Variants in RBFOX1 observed in about 807,000 individuals in gnomAD.
RBFOX1 encodes RNA binding fox-1 homolog 1, also known as RNA binding protein fox-1 homolog 1.
Under a neutral mutation model 57.7 loss-of-function variants are expected in RBFOX1, and 8 were observed. The ratio of observed to expected loss-of-function variants is 0.14; its 90% CI spans 0.08 to 0.25. The LOEUF (loss-of-function observed/expected upper bound fraction) is 0.25, where lower values mean the gene tolerates loss of function less well. Among genes scored for constraint, RBFOX1 ranks in the 10% least tolerant of loss-of-function variants. The probability of loss-of-function intolerance (pLI) is 1.00; values close to 1 mark genes in which losing one functional copy is unlikely to be tolerated. For synonymous variants in RBFOX1, 326 were observed against 222.4 expected, an observed-to-expected ratio of 1.47 and a Z score of -4.15; for missense variants, 611 against 548.5, an observed-to-expected ratio of 1.11 and a Z score of -1.14.
rs959091354 is a variant in RBFOX1 at position 6,219,839 on chromosome 16, G to A, written c.-126-97156G>A. On this transcript the variant is annotated intron_variant, in intron 1 of 15. Coordinates refer to ENST00000550418, the MANE Select transcript of RBFOX1 (RefSeq NM_018723.4). ...TGCAGTGAGCCGAGATTATGCTATC[G>A]TGCTCCAGATTGGGCAACAAGAGCA... Among the ~76,000 whole-genome samples, 5 of 152,198 alleles carry A rather than the reference G, an allele frequency of 3.3e-5. No homozygotes were observed. In the East Asian group the frequency reaches 7.7e-4, roughly 24 times the overall value.
chr16:6,691,849 C>G (rs1166557729), intron 3 of RBFOX1, among the ~76,000 whole-genome samples: 1 of 152,150 alleles, frequency 6.6e-6, no homozygotes, highest in East Asian at 1.9e-4. Context: ...CTTTTCCTTG[C>G]TCTGGTCAGA....
At chr16:7,439,804 G>T (rs1447400879) in intron 4 of RBFOX1, among the ~76,000 whole-genome samples, 2 of 152,114 alleles carry the variant, frequency 1.3e-5, no homozygotes, top group Non-Finnish European at 2.9e-5. Flanking sequence ...TGTCAAATTG[G>T]GATGGGGTTT....
intron 4 of RBFOX1, among the ~76,000 whole-genome samples, chr16:7,177,535 A>G (rs552423699): frequency 5.9e-5 from 9 of 152,218 alleles, no homozygotes; most frequent in African/African-American, 2.2e-4. Flanking sequence ...GATGCTTTAT[A>G]TGGTTTTCTA....
At chr16:5,952,749 C>T (rs2059546806) in intron 4 of RBFOX1, among the ~76,000 whole-genome samples, 1 of 152,132 alleles carries the variant, frequency 6.6e-6, no homozygotes, top group African/African-American at 2.4e-5. Context: ...TTCCCTGTTA[C>T]AGAAATGATT....
chr16:6,776,442 CAAACAAAA>C lies in RBFOX1; in HGVS notation c.-16+121798_-16+121805del, dbSNP rs567470547. Among the ~76,000 whole-genome samples, 277 of 151,794 alleles carry C rather than the reference CAAACAAAA, an allele frequency of 1.8e-3. 4 individuals carry two copies. Among genetic ancestry groups the C allele is most frequent in the South Asian group, 0.016 (76 of 4,794 alleles). ...AAACAAAAAACAAAAAACAAACAAA[CAAACAAAA>C]AAACATCAAGGAGAAGCAACACAGT... is the stretch of plus-strand genomic sequence containing the variant. On this transcript the variant is annotated intron_variant, in intron 3 of 15. Coordinates refer to ENST00000550418, the MANE Select transcript of RBFOX1 (RefSeq NM_018723.4).
At chr16:6,730,038 C>T (rs1422989972) in intron 3 of RBFOX1, among the ~76,000 whole-genome samples, 1 of 152,046 alleles carries the variant, frequency 6.6e-6, no homozygotes, top group Non-Finnish European at 1.5e-5. Context: ...TGGAAATAAT[C>T]ATGGAGATAA....
At chr16:6,502,538 G>C (rs1332482921) in intron 2 of RBFOX1, among the ~76,000 whole-genome samples, 4 of 152,122 alleles carry the variant, frequency 2.6e-5, no homozygotes, top group African/African-American at 9.7e-5. Flanking sequence ...TAACACCTTA[G>C]CATAGTACCT....
At chr16:5,649,627 C>G (rs892278375) in intron 3 of RBFOX1, among the ~76,000 whole-genome samples, 1 of 152,206 alleles carries the variant, frequency 6.6e-6, no homozygotes, top group African/African-American at 2.4e-5. Flanking sequence ...GAGATGCAGC[C>G]TCTGTCATGA....
At chr16:6,404,957 T>C (rs2093222551) in intron 2 of RBFOX1, among the ~76,000 whole-genome samples, 1 of 152,214 alleles carries the variant, frequency 6.6e-6, no homozygotes, top group Non-Finnish European at 1.5e-5. Flanking sequence ...AAATGCCTTC[T>C]ATTTCTTCCC....
Position 6,692,135 on chromosome 16 carries a change from G to C in RBFOX1, c.-16+37485G>C, listed in dbSNP as rs73533789. On this transcript the variant is annotated intron_variant, in intron 3 of 15. Transcript: ENST00000550418. ...TAAGTAAGTTTAATTAAGTAAGTTA[G>C]TGGTAACATATTCTCCTATTTTACA... Among the ~76,000 whole-genome samples, 1,169 of 152,310 alleles carry C rather than the reference G, an allele frequency of 7.7e-3. 19 individuals carry two copies. The highest frequency in any genetic ancestry group is 0.026 in the African/African-American group (1,095 of 41,572).
At chr16:6,453,815 G>A (rs1334379501) in intron 2 of RBFOX1, among the ~76,000 whole-genome samples, 1 of 152,202 alleles carries the variant, frequency 6.6e-6, no homozygotes, top group Non-Finnish European at 1.5e-5. Context: ...CATTTCAAGT[G>A]CTTACTGACC....
chr16:7,363,702 C>G (rs917258652), intron 4 of RBFOX1, among the ~76,000 whole-genome samples: 1 of 152,112 alleles, frequency 6.6e-6, no homozygotes, highest in Non-Finnish European at 1.5e-5. Context: ...TGTTGGAGGA[C>G]AAAACCTTTT....
In RBFOX1 at chr16:6,108,240, G is replaced by A. The variant is rs141074416; in HGVS notation, c.-127+88248G>A. ...GCTTTTTCTCCTTGAGATAAAGAATGATGCTCAGGGTAGTGTAGCAGAGTG... is the reference window on the plus strand; with the variant it reads ...GCTTTTTCTCCTTGAGATAAAGAATAATGCTCAGGGTAGTGTAGCAGAGTG... On this transcript the variant is annotated intron_variant, in intron 1 of 15. Coordinates refer to ENST00000550418, the MANE Select transcript of RBFOX1 (RefSeq NM_018723.4). Among the ~76,000 whole-genome samples, 6 of 152,220 alleles carry A rather than the reference G, an allele frequency of 3.9e-5. No individual in the cohort carries two copies. In the East Asian group the frequency reaches 9.7e-4, roughly 25 times the overall value.
At chr16:7,456,605 G>C (rs2058559730) in intron 4 of RBFOX1, among the ~76,000 whole-genome samples, 1 of 152,156 alleles carries the variant, frequency 6.6e-6, no homozygotes, top group Non-Finnish European at 1.5e-5. Context: ...TGCAGGCAAG[G>C]GGGTATTGTG....
At chr16:5,966,551 A>T (rs1311048918) in intron 4 of RBFOX1, among the ~76,000 whole-genome samples, 1 of 152,160 alleles carries the variant, frequency 6.6e-6, no homozygotes, top group Non-Finnish European at 1.5e-5. Flanking sequence ...TCCGCCTCCC[A>T]GGTTCAAGCA....
chr16:6,990,394 G>C (rs114997704), intron 3 of RBFOX1, among the ~76,000 whole-genome samples: 2 of 151,932 alleles, frequency 1.3e-5, no homozygotes, highest in African/African-American at 2.4e-5. Context: ...TAGTGGTGGC[G>C]CATGCCTGTA....
intron 3 of RBFOX1, among the ~76,000 whole-genome samples, chr16:5,726,561 G>A (rs2052160084): frequency 6.6e-6 from 1 of 152,178 alleles, no homozygotes; most frequent in South Asian, 2.1e-4. Context: ...CTTGTCCATA[G>A]CCTGGAGTCC....
At chr16:6,759,471 G>GTC (rs201986647) in intron 3 of RBFOX1, among the ~76,000 whole-genome samples, 6,048 of 70,606 alleles carry the variant, frequency 0.086, 217 homozygotes, top group South Asian at 0.14. Context: ...TATGTCAGTT[G>GTC]TCTGTGTGTG....
chr16:6,664,233 T>A (rs1250351690), intron 3 of RBFOX1, among the ~76,000 whole-genome samples: 1 of 152,186 alleles, frequency 6.6e-6, no homozygotes, highest in African/African-American at 2.4e-5. Context: ...TTGGCTTTTC[T>A]GTTCATTCTG....
Sources: allele counts gnomAD v4.1 joint callset (sites outside exome capture counted in the v4.1 genomes callset), GRCh38; gene constraint gnomAD v4.1.1; transcripts MANE v1.5; gene names NCBI Gene and HGNC (gene_info 2026-07-23, HGNC 2026-07-21).